Variants in TAFA1 observed in about 807,000 individuals in gnomAD.
TAFA1 encodes chemokine-like protein TAFA-1.
TAFA1 carries 4 observed loss-of-function variants against 18.5 expected under a neutral mutation model. The observed-to-expected ratio is 0.22, with a 90% CI of 0.11 to 0.49. The LOEUF (loss-of-function observed/expected upper bound fraction) is 0.49. Among genes scored for constraint, TAFA1 ranks in the 20% least tolerant of loss-of-function variants. The pLI is 0.98. For missense variants in TAFA1, 147 were observed against 169.0 expected (o/e 0.87, Z 0.72); for synonymous variants, 56 against 55.2 (o/e 1.01, Z -0.06).
chr3:68,150,696 C>T (rs1390773195), intron 2 of TAFA1, among the ~76,000 whole-genome samples: 2 of 151,908 alleles, frequency 1.3e-5, no homozygotes, highest in African/African-American at 4.8e-5. Context: ...CTTTCTTTCC[C>T]GCCTATTGAA....
intron 3 of TAFA1, among the ~76,000 whole-genome samples, chr3:68,452,874 G>A (rs1185723507): frequency 6.6e-6 from 1 of 152,174 alleles, no homozygotes; most frequent in Non-Finnish European, 1.5e-5. Context: ...GTACCCCTGA[G>A]TAGTTCCTAA....
At chr3:68,274,594 A>G (rs1483916612) in intron 2 of TAFA1, among the ~76,000 whole-genome samples, 1 of 152,186 alleles carries the variant, frequency 6.6e-6, no homozygotes, top group Non-Finnish European at 1.5e-5. Context: ...TGCTGTGGGA[A>G]GCAATATTTT....
At chr3:68,304,388 G>C (rs189777755) in intron 2 of TAFA1, among the ~76,000 whole-genome samples, 5 of 152,180 alleles carry the variant, frequency 3.3e-5, no homozygotes, top group Non-Finnish European at 5.9e-5. Context: ...GGTCTTTCTG[G>C]CTATAATTTT....
At chr3:68,325,667 A>T (rs35299486) in intron 2 of TAFA1, among the ~76,000 whole-genome samples, 61,536 of 151,736 alleles carry the variant, frequency 0.41, 13,272 homozygotes, top group Non-Finnish European at 0.45. Context: ...AAACTAGAAA[A>T]TTCCCCTCTA....
At chr3:68,504,789 T>C (rs2072719128) in intron 3 of TAFA1, among the ~76,000 whole-genome samples, 1 of 152,098 alleles carries the variant, frequency 6.6e-6, no homozygotes, top group South Asian at 2.1e-4. Context: ...TAAAAGTCTC[T>C]CCAAAAGTAG....
At chr3:68,142,579 C>T (rs901600798) in intron 2 of TAFA1, among the ~76,000 whole-genome samples, 5 of 152,162 alleles carry the variant, frequency 3.3e-5, no homozygotes, top group Non-Finnish European at 7.3e-5. Flanking sequence ...TCTGTGGCAA[C>T]AGATTTGTGT....
At chr3:68,252,808 G>C (rs918535270) in intron 2 of TAFA1, among the ~76,000 whole-genome samples, 13 of 152,280 alleles carry the variant, frequency 8.5e-5, no homozygotes, top group African/African-American at 3.1e-4. Context: ...TTGAATTGTA[G>C]CTCCCATAAT....
the TAFA1 span, among the ~76,000 whole-genome samples, chr3:67,995,468 G>A: frequency 1.1e-4 from 16 of 152,084 alleles, no homozygotes; most frequent in African/African-American, 3.9e-4. Context: ...CCAAACATGA[G>A]CATGCGAGGC....
At chr3:68,535,454 A>T (rs1019435566) in intron 3 of TAFA1, among the ~76,000 whole-genome samples, 1 of 152,068 alleles carries the variant, frequency 6.6e-6, no homozygotes, top group African/African-American at 2.4e-5. Flanking sequence ...CTTCTATTCA[A>T]ACTCTGTTTT....
rs565405776 is a variant in TAFA1, at chr3:68,358,877, T to C, written c.119-58403T>C. Among the ~76,000 whole-genome samples the C allele has an allele frequency of 7.5e-5, 9 of 120,712 alleles. No homozygotes were observed. In the South Asian group the frequency reaches 3.5e-3, roughly 48 times the overall value. The allele number at this position is 120,712 out of a possible 152,430, so 79.2% of individuals were successfully genotyped here. On this transcript the variant is annotated intron_variant, in intron 2 of 4. Coordinates refer to ENST00000478136, the MANE Select transcript of TAFA1 (RefSeq NM_213609.4). ...TCACCAATTGAGTGATCTGAATTGA[T>C]TTTCTGTTTCCAGCCTACCTAAGAA...
chr3:68,437,124 A>G (rs1173099185), intron 3 of TAFA1, among the ~76,000 whole-genome samples: 2 of 152,214 alleles, frequency 1.3e-5, no homozygotes, highest in Non-Finnish European at 2.9e-5. Flanking sequence ...AGAGAAGGTC[A>G]CGCAATCCTA....
intron 2 of TAFA1, among the ~76,000 whole-genome samples, chr3:68,279,578 G>A (rs925673454): frequency 2.0e-5 from 3 of 152,070 alleles, no homozygotes; most frequent in Non-Finnish European, 2.9e-5. Context: ...ACTATGGGAA[G>A]TCAGGGCAGA....
chr3:68,217,372 A>G (rs1009168460), intron 2 of TAFA1, among the ~76,000 whole-genome samples: 1 of 152,030 alleles, frequency 6.6e-6, no homozygotes, highest in Non-Finnish European at 1.5e-5. Flanking sequence ...AATGTTCTAT[A>G]AGTTATCTGA....
chr3:68,409,018 A>G (rs887010208), intron 2 of TAFA1, among the ~76,000 whole-genome samples: 2 of 152,180 alleles, frequency 1.3e-5, no homozygotes, highest in Non-Finnish European at 2.9e-5. Flanking sequence ...AAAATCATGC[A>G]CACTATAAAT....
chr3:68,279,284 T>C (rs2067854175), intron 2 of TAFA1, among the ~76,000 whole-genome samples: 1 of 152,012 alleles, frequency 6.6e-6, no homozygotes, highest in African/African-American at 2.4e-5. Flanking sequence ...TGGGGAGGGG[T>C]CCAGGAATCT....
At chr3:68,439,968 C>G (rs2071342451) in intron 3 of TAFA1, among the ~76,000 whole-genome samples, 1 of 152,086 alleles carries the variant, frequency 6.6e-6, no homozygotes, top group Admixed American at 6.6e-5. Flanking sequence ...GCACCAATCC[C>G]CAACTCAAAT....
At chr3:68,449,734 G>A (rs2071537133) in intron 3 of TAFA1, among the ~76,000 whole-genome samples, 1 of 151,966 alleles carries the variant, frequency 6.6e-6, no homozygotes, top group East Asian at 1.9e-4. Context: ...CCAATGCTGA[G>A]CCCACATGAG....
At chr3:67,994,093 A>T in the TAFA1 span, among the ~76,000 whole-genome samples, 1 of 152,194 alleles carries the variant, frequency 6.6e-6, no homozygotes, top group Non-Finnish European at 1.5e-5. Flanking sequence ...ATCAAATTGT[A>T]TCTATAAGTT....
At chr3:68,074,289 C>T (rs1335991644) in intron 2 of TAFA1, among the ~76,000 whole-genome samples, 1 of 152,166 alleles carries the variant, frequency 6.6e-6, no homozygotes, top group Non-Finnish European at 1.5e-5. Context: ...TCACCTGCTG[C>T]TTACCTCCCT....
Sources: allele counts gnomAD v4.1 joint callset (sites outside exome capture counted in the v4.1 genomes callset), GRCh38; gene constraint gnomAD v4.1.1; transcripts MANE v1.5; gene names NCBI Gene and HGNC (gene_info 2026-07-23, HGNC 2026-07-21).